ZNF593OS: variants seen among roughly 807,000 people sequenced by gnomAD.
ZNF593OS encodes the protein ZNF593 opposite strand.
At chr1:26,170,035 C>A (rs1338731199), downstream of ZNF593OS, 2 of 1,572,550 alleles carry the variant, frequency 1.3e-6, no homozygotes, top group Non-Finnish European at 1.7e-6. Flanking sequence ...TCTAGCCCGG[C>A]AGATGAAGGC....
chr1:26,170,597 C>G (rs1434373428), exon 2 of ZNF593OS: 2 of 1,613,750 alleles, frequency 1.2e-6, no homozygotes, highest in East Asian at 2.2e-5. Flanking sequence ...GAGCGTCGAG[C>G]CCTACAGTCA....
downstream of ZNF593OS, chr1:26,170,044 G>T: frequency 6.4e-7 from 1 of 1,574,130 alleles, no homozygotes. Flanking sequence ...GCAGATGAAG[G>T]CGAAGCGGCG....
At chr1:26,170,183 C>T, downstream of ZNF593OS, 3 of 1,572,738 alleles carry the variant, frequency 1.9e-6, no homozygotes, top group South Asian at 1.1e-5. Context: ...CTGGCCTGCG[C>T]GTGAGTCCCG....
chr1:26,171,209 G>A lies in ZNF593OS; in HGVS notation c.172C>T (p.Arg58Trp), dbSNP rs966627644. Reference sequence around the variant, plus strand: ...CTTCGTTACGGGGCCCGTGGCACCCGCCGCTGCCCCACCATCTTCCAGACG... The same window carrying A: ...CTTCGTTACGGGGCCCGTGGCACCCACCGCTGCCCCACCATCTTCCAGACG... Residue 58 changes from arginine (R) to tryptophan (W), a missense_variant, in exon 2 of 2, where the codon CGG becomes TGG. Arg to Trp is a moderately radical substitution (Grantham distance 101, BLOSUM62 -3). Transcript: ENST00000648649. The surrounding 1 kb of genome is among the most constrained non-coding windows in gnomAD (Gnocchi z 5.5). 10 of 406,556 alleles carry A rather than the reference G, an allele frequency of 2.5e-5. No homozygotes were observed. Among genetic ancestry groups the A allele is most frequent in the Non-Finnish European group, 3.9e-5 (9 of 230,450 alleles). 25.2% of individuals were successfully genotyped at this position (406,556 alleles called of 1,614,324 possible).
Position 26,171,222 on chromosome 1 carries a change from C to T in ZNF593OS, c.159G>A (p.Met53Ile). The change falls in exon 2 of 2, where the codon ATG (methionine) becomes ATA (isoleucine). Residue 53 changes from methionine to isoleucine, a missense_variant. By Grantham distance (10) the Met-to-Ile change is conservative. Coordinates refer to ENST00000648649, the Ensembl canonical transcript of ZNF593OS. This position sits in a 1 kb window ranked among gnomAD's most constrained non-coding sequence, Gnocchi z 5.5. ...CCCGTGGCACCCGCCGCTGCCCCAC[C>T]ATCTTCCAGACGGCATAGCAGGAGC... The T allele has an allele frequency of 2.4e-6, 1 of 408,242 alleles. No homozygotes were observed. The highest frequency in any genetic ancestry group is 4.3e-6 in the Non-Finnish European group (1 of 231,196). 25.3% of individuals were successfully genotyped at this position (408,242 alleles called of 1,614,324 possible).
chr1:26,170,267 G>T, downstream of ZNF593OS: 1 of 1,557,906 alleles, frequency 6.4e-7, no homozygotes, highest in South Asian at 1.2e-5. Flanking sequence ...CCCAGGCAGC[G>T]CAGAGTCTTC....
chr1:26,170,421 G>GTACTTCATCGATTCCACCAA, downstream of ZNF593OS: 1 of 1,613,920 alleles, frequency 6.2e-7, no homozygotes, highest in Non-Finnish European at 8.5e-7. Context: ...CCTACAGGAG[G>GTACTTCATCGATTCCACCAA]TACTTCATCG....
downstream of ZNF593OS, chr1:26,169,668 A>G: frequency 2.2e-6 from 1 of 444,660 alleles, no homozygotes; most frequent in Non-Finnish European, 4.0e-6. Context: ...GGACCAGGCC[A>G]GGAAGAGCAG....
chr1:26,170,575 G>C (rs1484822575), exon 2 of ZNF593OS: 1 of 1,613,864 alleles, frequency 6.2e-7, no homozygotes. Flanking sequence ...TTTCTCCCAG[G>C]CTGAAGCAGC....
chr1:26,170,090 G>T, downstream of ZNF593OS: 1 of 1,572,140 alleles, frequency 6.4e-7, no homozygotes. Flanking sequence ...CGCGAGCTGC[G>T]GCCTCAGGGA....
chr1:26,170,641 C>T (rs1236936664), exon 2 of ZNF593OS: 1 of 1,613,000 alleles, frequency 6.2e-7, no homozygotes, highest in Non-Finnish European at 8.5e-7. Flanking sequence ...GTATGGGATC[C>T]TATGTGCCCC....
downstream of ZNF593OS, chr1:26,170,241 G>A: frequency 6.3e-7 from 1 of 1,581,764 alleles, no homozygotes; most frequent in Non-Finnish European, 8.6e-7. Flanking sequence ...CCGGCCGGGA[G>A]ATGTGAAGTT....
chr1:26,169,758 T>C (rs1557613495), downstream of ZNF593OS: 5 of 543,860 alleles, frequency 9.2e-6, no homozygotes, highest in Non-Finnish European at 1.6e-5. Flanking sequence ...GGCCATGCCC[T>C]TCAGTGGGCA....
chr1:26,171,217 C>T lies in ZNF593OS; in HGVS notation c.164G>A (p.Gly55Glu), dbSNP rs1287634788. 2.5e-6 allele frequency: 1 copy of T among 407,890 alleles called. No individual in the cohort carries two copies. Among genetic ancestry groups the T allele is most frequent in the Non-Finnish European group, 4.3e-6 (1 of 231,006 alleles). The allele number at this position is 407,890 out of a possible 1,614,324, so 25.3% of individuals were successfully genotyped here. ...CGGGGCCCGTGGCACCCGCCGCTGC[C>T]CCACCATCTTCCAGACGGCATAGCA... The change falls in exon 2 of 2, where the codon GGG becomes GAG. Residue 55 changes from glycine to glutamate, a missense_variant. Transcript: ENST00000648649. The surrounding 1 kb of genome is among the most constrained non-coding windows in gnomAD (Gnocchi z 5.5).
rs777309930 is a variant in ZNF593OS at position 26,171,781 on chromosome 1, G to A, written c.-120C>T. 6 of 397,388 alleles carry A rather than the reference G, an allele frequency of 1.5e-5. No individual in the cohort carries two copies. The highest frequency in any genetic ancestry group is 1.4e-4 in the East Asian group (4 of 28,030). 24.6% of individuals were successfully genotyped at this position (397,388 alleles called of 1,614,324 possible). ...GAGGGGTCTCTGACCTTCCACATAC[G>A]CAAGACCCAAGCTCTCAGAGGATGC... is the stretch of plus-strand genomic sequence containing the variant. On this transcript the variant is annotated 5_prime_UTR_variant, in exon 1 of 2. Transcript: ENST00000648649. This position sits in a 1 kb window ranked among gnomAD's most constrained non-coding sequence, Gnocchi z 5.5.
Position 26,171,101 on chromosome 1 carries a change from C to G in ZNF593OS, c.*88G>C. On this transcript the variant is annotated 3_prime_UTR_variant, in exon 2 of 2. Coordinates refer to ENST00000648649, the Ensembl canonical transcript of ZNF593OS. The surrounding 1 kb of genome is among the most constrained non-coding windows in gnomAD (Gnocchi z 5.5). ...TACTCTGTCCTGCTTCTGACAGAGA[C>G]TGATCCCCAGAAAAGAAGGCTTCTG... 1 of 413,250 alleles carries G rather than the reference C, an allele frequency of 2.4e-6. No individual in the cohort carries two copies. The highest frequency in any genetic ancestry group is 3.5e-5 in the East Asian group (1 of 28,858). 25.6% of individuals were successfully genotyped at this position (413,250 alleles called of 1,614,324 possible).
chr1:26,171,032 A>G lies in ZNF593OS; in HGVS notation c.*157T>C. The G allele has an allele frequency of 1.9e-6, 1 of 515,792 alleles. No individual in the cohort carries two copies. Among genetic ancestry groups the G allele is most frequent in the Non-Finnish European group, 3.4e-6 (1 of 293,540 alleles). 32.0% of individuals were successfully genotyped at this position (515,792 alleles called of 1,614,324 possible). A position where few individuals can be genotyped will look rare whatever the true frequency, so the allele number is the denominator to read the frequency against. ...CTAGCATCTGAACTGGAGCACCCAG[A>G]TGGAGGCCTGATGCAGTGTGGGGTG... is the stretch of plus-strand genomic sequence containing the variant. On this transcript the variant is annotated 3_prime_UTR_variant, in exon 2 of 2. Transcript: ENST00000648649. This position sits in a 1 kb window ranked among gnomAD's most constrained non-coding sequence, Gnocchi z 5.5.
chr1:26,170,114 A>G, downstream of ZNF593OS: 1 of 1,570,512 alleles, frequency 6.4e-7, no homozygotes, highest in South Asian at 1.2e-5. Flanking sequence ...GCACGACCCC[A>G]GCCCGACCCA....
chr1:26,170,167 C>T, downstream of ZNF593OS: 1 of 1,571,114 alleles, frequency 6.4e-7, no homozygotes, highest in Non-Finnish European at 8.6e-7. Flanking sequence ...CGGTCTGCAC[C>T]GCTGTCTGGC....
Sources: allele counts gnomAD v4.1 joint callset, GRCh38; gene constraint gnomAD v4.1.1; non-coding constraint Gnocchi (gnomAD v3.1); transcripts MANE v1.5; gene names NCBI Gene and HGNC (gene_info 2026-07-23, HGNC 2026-07-21).